The following ATRNL1 variants were observed in gnomAD, a reference collection of about 807,000 sequenced individuals.
ATRNL1 encodes the protein attractin like 1, also known as attractin-like protein 1.
Under a neutral mutation model 182.7 loss-of-function variants are expected in ATRNL1, and 95 were observed. The ratio of observed to expected loss-of-function variants is 0.52; its 90% CI spans 0.44 to 0.62. The LOEUF is 0.62. Among genes scored for constraint, ATRNL1 ranks in the 20% least tolerant of loss-of-function variants. The pLI is 0.00. For synonymous variants in ATRNL1, 576 were observed against 568.3 expected, an observed-to-expected ratio of 1.01 and a Z score of -0.19; for missense variants, 1,471 against 1,679.5, an observed-to-expected ratio of 0.88 and a Z score of 2.17.
chr10:115,662,197 G>T lies in ATRNL1; in HGVS notation c.3796-65051G>T, dbSNP rs180701706. 1.7e-3 allele frequency among the ~76,000 whole-genome samples: 261 copies of T among 151,956 alleles called. 5 individuals carry two copies. Among genetic ancestry groups the T allele is most frequent in the Admixed American group, 0.015 (228 of 15,240 alleles). On this transcript the variant is annotated intron_variant, in intron 26 of 28. Transcript: ENST00000355044. The stretch of plus-strand genomic sequence containing the variant: ...CTATCATTGTTGGACATTTGGCTTG[G>T]TTCCAAGTCTTTGCTATTGTGAATA...
chr10:115,351,210 C>A (rs1856233603), intron 19 of ATRNL1, among the ~76,000 whole-genome samples: 2 of 152,156 alleles, frequency 1.3e-5, no homozygotes, highest in South Asian at 4.1e-4. Flanking sequence ...ATTTTACTTT[C>A]TCCTTTCCTG....
At chr10:115,547,264 A>G (rs1286602628) in intron 25 of ATRNL1, among the ~76,000 whole-genome samples, 1 of 103,032 alleles carries the variant, frequency 9.7e-6, no homozygotes, top group Non-Finnish European at 2.1e-5. Context: ...CAAAAAAAAA[A>G]TATATATATA....
At chr10:115,856,183 C>G (rs569108685) in intron 28 of ATRNL1, among the ~76,000 whole-genome samples, 3 of 151,928 alleles carry the variant, frequency 2.0e-5, no homozygotes, top group African/African-American at 7.2e-5. Flanking sequence ...AATCCCAGCA[C>G]TTTGGGAGGC....
chr10:115,171,830 T>G (rs1847307086), intron 8 of ATRNL1, among the ~76,000 whole-genome samples: 1 of 152,044 alleles, frequency 6.6e-6, no homozygotes. Context: ...TACTATACCT[T>G]TACTCCATTT....
At chr10:115,489,081 C>G (rs1849169235) in intron 24 of ATRNL1, among the ~76,000 whole-genome samples, 1 of 152,140 alleles carries the variant, frequency 6.6e-6, no homozygotes, top group African/African-American at 2.4e-5. Context: ...TGCACTGTGT[C>G]TGAGAGACTG....
intron 19 of ATRNL1, among the ~76,000 whole-genome samples, chr10:115,370,095 T>C (rs926484121): frequency 1.3e-5 from 2 of 152,226 alleles, no homozygotes; most frequent in Admixed American, 6.5e-5. Flanking sequence ...ACAAAATCTT[T>C]TATCTTGTCT....
chr10:115,565,020 C>A (rs1485684279), intron 26 of ATRNL1, among the ~76,000 whole-genome samples: 1 of 151,874 alleles, frequency 6.6e-6, no homozygotes, highest in African/African-American at 2.4e-5. Context: ...ATCTTTATTT[C>A]TCTTTACTAT....
chr10:115,604,888 T>C (rs1391763566), intron 26 of ATRNL1, among the ~76,000 whole-genome samples: 1 of 152,164 alleles, frequency 6.6e-6, no homozygotes, highest in Non-Finnish European at 1.5e-5. Context: ...TTTTGCTTGA[T>C]TTTTTGTATT....
chr10:115,494,739 T>C (rs190048431), intron 24 of ATRNL1, among the ~76,000 whole-genome samples: 3 of 152,210 alleles, frequency 2.0e-5, no homozygotes, highest in Non-Finnish European at 2.9e-5. Flanking sequence ...CAATTCACTT[T>C]GCTAGTATTT....
chr10:115,370,051 G>A (rs1445797972), intron 19 of ATRNL1, among the ~76,000 whole-genome samples: 1 of 152,156 alleles, frequency 6.6e-6, no homozygotes, highest in Non-Finnish European at 1.5e-5. Context: ...AGTCTCCCAA[G>A]ATCTGATGGT....
chr10:115,382,698 T>TC (rs1858091756), intron 19 of ATRNL1, among the ~76,000 whole-genome samples: 1 of 151,544 alleles, frequency 6.6e-6, no homozygotes, highest in African/African-American at 2.4e-5. Context: ...TTTGCTTTTT[T>TC]TTTTTTTTTT....
At chr10:115,940,171 G>A (rs1456261010) in intron 28 of ATRNL1, among the ~76,000 whole-genome samples, 1 of 152,188 alleles carries the variant, frequency 6.6e-6, no homozygotes, top group African/African-American at 2.4e-5. Flanking sequence ...GTGCCCTGAT[G>A]AGAGGCCGTT....
intron 15 of ATRNL1, among the ~76,000 whole-genome samples, chr10:115,287,579 G>T (rs1157088241): frequency 6.6e-6 from 1 of 151,850 alleles, no homozygotes; most frequent in Non-Finnish European, 1.5e-5. Flanking sequence ...TTATTTTATT[G>T]TCACTGAAGA....
chr10:115,191,203 T>C (rs1443064339), intron 8 of ATRNL1, among the ~76,000 whole-genome samples: 2 of 152,190 alleles, frequency 1.3e-5, no homozygotes, highest in African/African-American at 4.8e-5. Flanking sequence ...CTCTTTGATA[T>C]ACAGATTTTC....
chr10:115,279,446 C>T (rs782472256), intron 13 of ATRNL1, among the ~76,000 whole-genome samples: 3 of 152,056 alleles, frequency 2.0e-5, no homozygotes, highest in African/African-American at 4.8e-5. Context: ...TCTATCATGT[C>T]GGACATAATT....
chr10:115,756,757 T>TG (rs1948600855), intron 27 of ATRNL1, among the ~76,000 whole-genome samples: 2 of 152,124 alleles, frequency 1.3e-5, no homozygotes, highest in African/African-American at 4.8e-5. Context: ...ATGTTGACAG[T>TG]GGGGTGTTAA....
At chr10:115,272,025 C>T (rs527530363) in intron 13 of ATRNL1, among the ~76,000 whole-genome samples, 3 of 152,254 alleles carry the variant, frequency 2.0e-5, no homozygotes, top group African/African-American at 7.2e-5. Flanking sequence ...GGCAACTCCA[C>T]CTCCATTCTC....
chr10:115,944,652 T>A lies in ATRNL1; in HGVS notation c.4019-6T>A. 1 of 1,604,416 alleles carries A rather than the reference T, an allele frequency of 6.2e-7. No individual in the cohort carries two copies. ...AGCATTTAAATGCTTTTCTCTTTCC[T>A]TCCAGGCCTTGCAATTGCCAGTGCC... On this transcript the variant is annotated splice_region_variant and splice_polypyrimidine_tract_variant and intron_variant, in intron 28 of 28. Transcript: ENST00000355044.
intron 21 of ATRNL1, among the ~76,000 whole-genome samples, chr10:115,459,308 G>A (rs1373492553): frequency 7.9e-5 from 12 of 152,114 alleles, no homozygotes; most frequent in South Asian, 4.1e-4. Flanking sequence ...AACTCTGACC[G>A]CTAGTTAGCC....
Sources: gnomAD v4.1 joint callset for allele counts (sites outside exome capture counted in the v4.1 genomes callset) on GRCh38, gnomAD v4.1.1 for gene constraint, MANE v1.5 for transcripts, NCBI Gene and HGNC (gene_info 2026-07-23, HGNC 2026-07-21) for gene names.